ASB9: variants seen among roughly 807,000 people sequenced by gnomAD.
ASB9 encodes ankyrin repeat and SOCS box protein 9.
Under a neutral mutation model 16.6 loss-of-function variants are expected in ASB9, and 5 were observed. That is an observed-to-expected ratio of 0.30 (90% CI 0.16 to 0.63). The LOEUF (loss-of-function observed/expected upper bound fraction) is 0.63. ASB9 is among the 30% of genes least tolerant of loss of function. ASB9 has a pLI of 0.82. For synonymous variants in ASB9, 100 were observed against 86.4 expected, an observed-to-expected ratio of 1.16 and a Z score of -0.87; for missense variants, 216 against 229.4, an observed-to-expected ratio of 0.94 and a Z score of 0.38.
At chrX:15,266,732 T>G (rs750083100) in intron 1 of ASB9, among the ~76,000 whole-genome samples, 24 of 109,897 alleles carry the variant, frequency 2.2e-4, no homozygotes, top group Non-Finnish European at 3.6e-4. Context: ...GTCAGGAGAT[T>G]GAGACCATCC....
chrX:15,250,329 A>G, intron 5 of ASB9, 101 bp downstream of exon 5: 21 of 969,167 alleles, frequency 2.2e-5, no homozygotes, highest in Non-Finnish European at 2.8e-5. Flanking sequence ...GTCCAACTCC[A>G]TTGCCCACAC....
chrX:15,245,991 C>T (rs1020036325), intron 6 of ASB9, among the ~76,000 whole-genome samples: 12 of 111,708 alleles, frequency 1.1e-4, no homozygotes, highest in African/African-American at 3.9e-4. Flanking sequence ...TAAAAATGAA[C>T]GGCTTCCCAG....
At chrX:15,253,393 A>C (rs1474286091) in intron 3 of ASB9, among the ~76,000 whole-genome samples, 1 of 111,217 alleles carries the variant, frequency 9.0e-6, no homozygotes, top group East Asian at 2.8e-4. Flanking sequence ...GAAGTTCGAG[A>C]CCAACCTGGG....
intron 6 of ASB9, 61 bp from the exon 7 acceptor site, chrX:15,244,691 T>TGG (rs112382242): frequency 0.25 from 232,631 of 942,651 alleles, 13,673 homozygotes; most frequent in Non-Finnish European, 0.28. Context: ...CTCCTTTTTT[T>TGG]TAAAAAAAAA....
chrX:15,260,223 C>T (rs1370808642), intron 1 of ASB9, among the ~76,000 whole-genome samples: 3 of 111,775 alleles, frequency 2.7e-5, no homozygotes. Flanking sequence ...CATGGTGAAA[C>T]ACCATCTCTA....
At chrX:15,246,642 A>T (rs1924692817) in intron 6 of ASB9, among the ~76,000 whole-genome samples, 1 of 110,212 alleles carries the variant, frequency 9.1e-6, no homozygotes, top group African/African-American at 3.3e-5. Flanking sequence ...CGCCCGGCTA[A>T]TTTTTTTTGT....
intron 6 of ASB9, 51 bp from the exon 7 acceptor site, chrX:15,244,681 C>A (rs1435997350): frequency 9.8e-7 from 1 of 1,024,379 alleles, no homozygotes; most frequent in Non-Finnish European, 1.3e-6. Context: ...TGATCTAAGA[C>A]TCCTTTTTTT....
intron 1 of ASB9, among the ~76,000 whole-genome samples, chrX:15,260,321 C>T (rs370881403): frequency 8.9e-6 from 1 of 111,830 alleles, no homozygotes; most frequent in African/African-American, 3.2e-5. Context: ...TCGGTTGAAC[C>T]CGGGAGGCGG....
At chrX:15,250,611 T>C in intron 4 of ASB9, 47 bp from the exon 5 acceptor site, 1 of 1,150,730 alleles carries the variant, frequency 8.7e-7, no homozygotes, top group Non-Finnish European at 1.2e-6. Flanking sequence ...CAAGTTCCCT[T>C]AGCTAGAAAG....
intron 3 of ASB9, among the ~76,000 whole-genome samples, chrX:15,252,816 T>TA (rs745786582): frequency 1.5e-3 from 173 of 112,762 alleles, no homozygotes; most frequent in Middle Eastern, 4.6e-3. Flanking sequence ...AGTATATTCT[T>TA]AAAGTATAAT....
chrX:15,246,415 A>G (rs964035977), intron 6 of ASB9, among the ~76,000 whole-genome samples: 1 of 112,182 alleles, frequency 8.9e-6, no homozygotes, highest in African/African-American at 3.2e-5. Context: ...TTGTGTATTT[A>G]TGAATTGGCA....
At chrX:15,267,344 G>A (rs1001479474) in intron 1 of ASB9, among the ~76,000 whole-genome samples, 22 of 111,998 alleles carry the variant, frequency 2.0e-4, no homozygotes, top group Admixed American at 3.8e-4. Flanking sequence ...CCAGGAGGCC[G>A]AGGTTGCAGT....
In ASB9 at chrX:15,244,585, C is replaced by T; in HGVS notation, c.806G>A (p.Cys269Tyr). 6 of 1,202,220 alleles carry T rather than the reference C, an allele frequency of 5.0e-6. No individual in the cohort carries two copies. Among genetic ancestry groups the T allele is most frequent in the Non-Finnish European group, 6.8e-6 (6 of 887,840 alleles). ...MQLCRLRIRK[C>Y]FGIQQHHKIT... Reference sequence around the variant, plus strand: ...CTTATGATGCTGCTGGATTCCAAAACACTTCCGAATTCTAAGGCGGCATAA... The same window carrying T: ...CTTATGATGCTGCTGGATTCCAAAATACTTCCGAATTCTAAGGCGGCATAA... The change falls in exon 7 of 7, where the codon TGT (cysteine) becomes TAT (tyrosine). Residue 269 changes from cysteine (C) to tyrosine (Y), a missense_variant. By Grantham distance (194) the Cys-to-Tyr change is radical. Transcript: ENST00000380488.
At chrX:15,259,080 C>T (rs1029825683) in intron 1 of ASB9, 135 bp from the exon 2 acceptor site, 1 of 409,001 alleles carries the variant, frequency 2.4e-6, no homozygotes, top group Admixed American at 4.0e-5. Flanking sequence ...AAATTCCCAT[C>T]AGGAATTCAG....
intron 5 of ASB9, among the ~76,000 whole-genome samples, chrX:15,249,280 G>A (rs932720116): frequency 1.8e-5 from 2 of 112,195 alleles, no homozygotes; most frequent in East Asian, 2.8e-4. Flanking sequence ...ACAGCCTGAC[G>A]GAGAGACTAG....
chrX:15,252,176 C>T lies in ASB9; in HGVS notation c.433+78G>A, dbSNP rs1194187804. ...TGAGAACTACTGCTCTAAAATATAT[C>T]TCCTTTTCTTTCTTTCTTTCAGCAG... On this transcript the variant is annotated intron_variant, in intron 4 of 6. Coordinates refer to ENST00000380488, the MANE Select transcript of ASB9 (RefSeq NM_001031739.3). 4 of 1,044,628 alleles carry T rather than the reference C, an allele frequency of 3.8e-6. No individual in the cohort carries two copies. In the African/African-American group the frequency reaches 7.8e-5, roughly 20 times the overall value. The allele number at this position is 1,044,628 out of a possible 1,213,427, so 86.1% of individuals were successfully genotyped here.
intron 1 of ASB9, among the ~76,000 whole-genome samples, chrX:15,268,340 A>AAAACG (rs1185663263): frequency 1.5e-4 from 16 of 105,857 alleles, no homozygotes; most frequent in Non-Finnish European, 2.7e-4. Context: ...TCAAAAAAAC[A>AAAACG]AAACAAAACA....
intron 4 of ASB9, among the ~76,000 whole-genome samples, chrX:15,250,845 C>CT (rs1166739331): frequency 8.9e-6 from 1 of 111,746 alleles, no homozygotes; most frequent in African/African-American, 3.3e-5. Flanking sequence ...CCTCAGCCTC[C>CT]GAGTAGCTGG....
chrX:15,246,904 G>A (rs1924718039), intron 6 of ASB9, among the ~76,000 whole-genome samples: 1 of 111,822 alleles, frequency 8.9e-6, no homozygotes, highest in African/African-American at 3.3e-5. Context: ...TGCTTATCAA[G>A]GGTGAGGTGG....
Sources: gnomAD v4.1 joint callset for allele counts (sites outside exome capture counted in the v4.1 genomes callset) on GRCh38, gnomAD v4.1.1 for gene constraint, MANE v1.5 for transcripts, NCBI Gene and HGNC (gene_info 2026-07-23, HGNC 2026-07-21) for gene names.